Variants in ADSS1 observed in about 807,000 individuals in gnomAD.
ADSS1 encodes adenylosuccinate synthetase isozyme 1.
A neutral mutation model predicts 59.1 loss-of-function variants in ADSS1; 57 were observed. The ratio of observed to expected loss-of-function variants is 0.97; its 90% CI spans 0.78 to 1.20. The LOEUF is 1.20. Ranked by LOEUF, ADSS1 falls within the 50% of genes most tolerant of loss-of-function variation. The pLI, the probability that ADSS1 is intolerant of heterozygous loss-of-function variation, is 0.00. For synonymous variants in ADSS1, 247 were observed against 249.4 expected (o/e 0.99, Z 0.09); for missense variants, 603 against 610.3 (o/e 0.99, Z 0.13).
chr14:104,738,486 T>C lies in ADSS1; in HGVS notation c.358+48T>C, dbSNP rs567042560. 3.1e-5 allele frequency: 50 copies of C among 1,600,102 alleles called. No homozygotes were observed. In the South Asian group the frequency reaches 4.5e-4, roughly 14 times the overall value. On this transcript the variant is annotated intron_variant, in intron 3 of 12. Transcript: ENST00000330877. Reference sequence around the variant, plus strand: ...TTGCCCTGTCCCAGACGCGGTGCCCTGAGCGGTTGTTGGCTGGAGCCTTCC... The same window carrying C: ...TTGCCCTGTCCCAGACGCGGTGCCCCGAGCGGTTGTTGGCTGGAGCCTTCC...
At chr14:104,733,351 T>C (rs765433581) in intron 1 of ADSS1, among the ~76,000 whole-genome samples, 6 of 152,174 alleles carry the variant, frequency 3.9e-5, no homozygotes, top group Non-Finnish European at 8.8e-5. Context: ...CTCTGAGTGC[T>C]GCCTAATCTG....
intron 1 of ADSS1, among the ~76,000 whole-genome samples, chr14:104,727,617 G>A (rs954694402): frequency 1.3e-5 from 2 of 152,078 alleles, no homozygotes; most frequent in African/African-American, 4.8e-5. Flanking sequence ...AGGTACCTCC[G>A]CCTGTGCTTC....
At chr14:104,744,538 C>T in intron 10 of ADSS1, 1 of 393,428 alleles carries the variant, frequency 2.5e-6, no homozygotes, top group Non-Finnish European at 4.6e-6. Flanking sequence ...AGCATGTGGC[C>T]TAGATCCCTC....
In ADSS1 at chr14:104,746,454, C is replaced by T. The variant is rs1891562795; in HGVS notation, c.1321+69C>T. ...GCCCCAAGGGGCCCACATCCCAGCG[C>T]AGGGCTTGGTGAGCAATAAGAAAAC... On this transcript the variant is annotated intron_variant, in intron 12 of 12. Coordinates refer to ENST00000330877, the MANE Select transcript of ADSS1 (RefSeq NM_152328.5). 4.5e-6 allele frequency: 7 copies of T among 1,538,636 alleles called. No homozygotes were observed. The Admixed American group carries it at 1.0e-4, about 22-fold the overall frequency.
chr14:104,741,990 C>T lies in ADSS1; in HGVS notation c.936C>T (p.Thr312=), dbSNP rs369348063. Residue 312 remains threonine (T), a synonymous_variant, in exon 9 of 13, where the codon ACC becomes ACT. Transcript: ENST00000330877. The part of the protein sequence containing the change: ...TTRVGIGAFP[T]EQINEIGGLL... Reference sequence around the variant, plus strand: ...GTGTGGGCATCGGGGCCTTCCCCACCGAGCAGATCAACGTGAGTCCCCAGC... The same window carrying T: ...GTGTGGGCATCGGGGCCTTCCCCACTGAGCAGATCAACGTGAGTCCCCAGC... The T allele has an allele frequency of 8.7e-5, 140 of 1,612,840 alleles. No individual in the cohort carries two copies. Among genetic ancestry groups the T allele is most frequent in the Non-Finnish European group, 1.2e-4 (137 of 1,179,924 alleles).
intron 3 of ADSS1, among the ~76,000 whole-genome samples, chr14:104,738,780 C>T (rs921827017): frequency 6.6e-6 from 1 of 152,186 alleles, no homozygotes; most frequent in South Asian, 2.1e-4. Flanking sequence ...GGGGGCTCTG[C>T]GGAGCATCTG....
At chr14:104,731,522 C>T (rs984433784) in intron 1 of ADSS1, among the ~76,000 whole-genome samples, 3 of 152,224 alleles carry the variant, frequency 2.0e-5, no homozygotes, top group Non-Finnish European at 4.4e-5. Flanking sequence ...TCTGCAGCCC[C>T]TAGAGGACCC....
intron 1 of ADSS1, among the ~76,000 whole-genome samples, chr14:104,725,633 C>T (rs1332933430): frequency 5.3e-5 from 8 of 152,168 alleles, no homozygotes; most frequent in African/African-American, 1.9e-4. Context: ...GCACATCCCT[C>T]GCTCCAGAGA....
In ADSS1 at chr14:104,740,494, A is replaced by G; in HGVS notation, c.477-107A>G. 1.1e-6 allele frequency: 1 copy of G among 930,930 alleles called. No homozygotes were observed. The highest frequency in any genetic ancestry group is 1.7e-6 in the Non-Finnish European group (1 of 596,098). The allele number at this position is 930,930 out of a possible 1,614,324, so 57.7% of individuals were successfully genotyped here. On this transcript the variant is annotated intron_variant, in intron 5 of 12. Transcript: ENST00000330877. The surrounding 1 kb of genome is among the most constrained non-coding windows in gnomAD (Gnocchi z 4.8). ...ACAGCTCAGCCAGACACAGGCAGCA[A>G]TGGTGGGCACTGGAGTCATGAGCCG...
chr14:104,731,747 C>T (rs771394847), intron 1 of ADSS1, among the ~76,000 whole-genome samples: 4 of 152,230 alleles, frequency 2.6e-5, no homozygotes, highest in Non-Finnish European at 5.9e-5. Context: ...CTCTTCTGCC[C>T]ATCACTTATC....
rs1891068870 is a variant in ADSS1 at position 104,735,085 on chromosome 14, C to G, written c.258C>G (p.Pro86=). 6.2e-7 allele frequency: 1 copy of G among 1,613,092 alleles called. No individual in the cohort carries two copies. The highest frequency in any genetic ancestry group is 8.5e-7 in the Non-Finnish European group (1 of 1,179,584). The change falls in exon 2 of 13, where the codon CCC becomes CCG. Residue 86 remains proline (P), a synonymous_variant. Transcript: ENST00000330877. Reference sequence around the variant, plus strand: ...AAGAGTACGACTTCCACCTGCTGCCCAGCGGCATCATCAACACCAAGGCCG... The same window carrying G: ...AAGAGTACGACTTCCACCTGCTGCCGAGCGGCATCATCAACACCAAGGCCG... The part of the protein sequence containing the change: ...DGKEYDFHLL[P]SGIINTKAVS...
At chr14:104,728,810 G>A (rs2086054714) in intron 1 of ADSS1, among the ~76,000 whole-genome samples, 1 of 152,200 alleles carries the variant, frequency 6.6e-6, no homozygotes, top group Non-Finnish European at 1.5e-5. Flanking sequence ...GATGGACACA[G>A]AGGCAGGAGA....
chr14:104,736,228 C>T (rs1216530030), intron 2 of ADSS1, among the ~76,000 whole-genome samples: 1 of 152,224 alleles, frequency 6.6e-6, no homozygotes, highest in Non-Finnish European at 1.5e-5. Context: ...CAGGGAGGCC[C>T]TAAGCAGTGA....
intron 1 of ADSS1, among the ~76,000 whole-genome samples, chr14:104,731,622 G>A (rs936947531): frequency 6.6e-6 from 1 of 152,242 alleles, no homozygotes; most frequent in African/African-American, 2.4e-5. Context: ...GCAGCCGAGG[G>A]GTGCCTGGCA....
intron 2 of ADSS1, 131 bp downstream of exon 2, chr14:104,735,253 T>C: frequency 1.2e-6 from 1 of 822,664 alleles, no homozygotes; most frequent in Non-Finnish European, 1.9e-6. Context: ...GACCCCAGCC[T>C]CCACCTGCCC....
chr14:104,746,813 A>T, intron 12 of ADSS1, 138 bp from the exon 13 acceptor site: 2 of 883,238 alleles, frequency 2.3e-6, no homozygotes, highest in Middle Eastern at 2.3e-4. Flanking sequence ...TAACTTAAAA[A>T]TTAGAACTGC....
intron 1 of ADSS1, among the ~76,000 whole-genome samples, chr14:104,733,399 C>T (rs1460571663): frequency 2.6e-5 from 4 of 152,230 alleles, no homozygotes; most frequent in African/African-American, 9.6e-5. Flanking sequence ...GGTGAGCCCC[C>T]TGCCTGGCAT....
At chr14:104,733,347 G>A (rs890282468) in intron 1 of ADSS1, among the ~76,000 whole-genome samples, 1 of 152,226 alleles carries the variant, frequency 6.6e-6, no homozygotes, top group African/African-American at 2.4e-5. Flanking sequence ...AGGGCTCTGA[G>A]TGCTGCCTAA....
intron 4 of ADSS1, 133 bp downstream of exon 4, chr14:104,739,511 G>A: frequency 4.6e-6 from 5 of 1,093,948 alleles, no homozygotes; most frequent in Non-Finnish European, 6.6e-6. Flanking sequence ...CCATTAGCTT[G>A]TACATTACCC....
Sources: allele counts gnomAD v4.1 joint callset (sites outside exome capture counted in the v4.1 genomes callset), GRCh38; gene constraint gnomAD v4.1.1; non-coding constraint Gnocchi (gnomAD v3.1); transcripts MANE v1.5; gene names NCBI Gene and HGNC (gene_info 2026-07-23, HGNC 2026-07-21).